PKP1: variants seen among roughly 807,000 people sequenced by gnomAD.
PKP1 encodes plakophilin-1.
PKP1 carries 27 observed loss-of-function variants against 76.4 expected under a neutral mutation model. The observed-to-expected ratio is 0.35, with a 90% confidence interval of 0.26 to 0.49. The LOEUF is 0.49. Ranked by LOEUF, PKP1 falls within the 20% of genes least tolerant of loss-of-function variation. The pLI, the probability that PKP1 is intolerant of heterozygous loss-of-function variation, is 0.99. For missense variants in PKP1, 964 were observed against 955.2 expected, an observed-to-expected ratio of 1.01 and a Z score of -0.12; for synonymous variants, 404 against 384.2, an observed-to-expected ratio of 1.05 and a Z score of -0.60.
Position 201,320,292 on chromosome 1 carries a change from C to G in PKP1, c.1258C>G (p.Arg420Gly). 6.2e-7 allele frequency: 1 copy of G among 1,613,800 alleles called. No homozygotes were observed. The highest frequency in any genetic ancestry group is 8.5e-7 in the Non-Finnish European group (1 of 1,179,728). ...GAACCTGAGCTCGGCCGATGCAGGC[C>G]GCCAGACCATGCGTAACTACTCAGG... ...LRNLSSADAG[R>G]QTMRNYSGLI... The change falls in exon 7 of 14, where the codon CGC becomes GGC. Residue 420 changes from arginine to glycine, a missense_variant. Arg to Gly is a moderately radical substitution (Grantham distance 125). Transcript: ENST00000367324.
chr1:201,324,096 G>A (rs1657030951), intron 9 of PKP1, among the ~76,000 whole-genome samples: 1 of 152,110 alleles, frequency 6.6e-6, no homozygotes, highest in Admixed American at 6.5e-5. Flanking sequence ...GATGTAATGG[G>A]GGCAGCGCTG....
At chr1:201,309,748 A>G (rs1426165762) in intron 2 of PKP1, among the ~76,000 whole-genome samples, 5 of 152,190 alleles carry the variant, frequency 3.3e-5, no homozygotes, top group Non-Finnish European at 7.3e-5. Flanking sequence ...CCTGGAAGAC[A>G]GTGTTTGGAA....
chr1:201,302,733 G>A (rs927433847), intron 2 of PKP1, among the ~76,000 whole-genome samples: 1 of 152,234 alleles, frequency 6.6e-6, no homozygotes, highest in Non-Finnish European at 1.5e-5. Context: ...GAGAAAAGCA[G>A]CTCTAGACCC....
chr1:201,301,179 C>A (rs966277477), intron 2 of PKP1, among the ~76,000 whole-genome samples: 4 of 152,102 alleles, frequency 2.6e-5, no homozygotes, highest in Non-Finnish European at 4.4e-5. Flanking sequence ...TAGTGTGGAC[C>A]CTTGTAGAGG....
chr1:201,288,130 G>T (rs995422786), intron 1 of PKP1, among the ~76,000 whole-genome samples: 2 of 152,170 alleles, frequency 1.3e-5, no homozygotes, highest in Non-Finnish European at 2.9e-5. Context: ...CATCTACCTG[G>T]TGTGCGATCT....
In PKP1 at chr1:201,318,701, A is replaced by G; in HGVS notation, c.1138A>G (p.Ile380Val). 5.0e-6 allele frequency: 8 copies of G among 1,612,368 alleles called. No homozygotes were observed. Among genetic ancestry groups the G allele is most frequent in the South Asian group, 1.1e-5 (1 of 90,978 alleles). The change falls in exon 6 of 14, where the codon ATC becomes GTC. Residue 380 changes from isoleucine (I) to valine (V), a missense_variant. Transcript: ENST00000367324. ...CCTGCCTGTTCTGGCCGACCGCGTC[A>G]TCATTCCCTTCTCTGGCTGGTGCGA... ...DALPVLADRV[I>V]IPFSGWCDGN...
At chr1:201,290,294 T>C (rs1655875352) in intron 1 of PKP1, among the ~76,000 whole-genome samples, 1 of 151,988 alleles carries the variant, frequency 6.6e-6, no homozygotes, top group Non-Finnish European at 1.5e-5. Context: ...CTCCTTGACC[T>C]TGGGGTTCTG....
chr1:201,316,557 T>G lies in PKP1; in HGVS notation c.706T>G (p.Cys236Gly), dbSNP rs1656752803. 2 of 1,606,442 alleles carry G rather than the reference T, an allele frequency of 1.2e-6. No homozygotes were observed. The highest frequency in any genetic ancestry group is 3.4e-5 in the Admixed American group (2 of 59,132). The change falls in exon 4 of 14, where the codon TGC becomes GGC. Residue 236 changes from cysteine to glycine, a missense_variant. Transcript: ENST00000367324. ...CCCACTGCCTATTCTTCACAGGATC[T>G]GCAGTGAGGACATCGAGTGCAGTGG... ...FGHSRASSKICSEDIECSGLT... is the reference protein window; with the variant it reads ...FGHSRASSKIGSEDIECSGLT...
intron 1 of PKP1, among the ~76,000 whole-genome samples, chr1:201,285,370 G>A (rs1655700129): frequency 6.6e-6 from 1 of 151,918 alleles, no homozygotes. Flanking sequence ...GGCCGGCAGA[G>A]GACTTCCTGG....
At chr1:201,318,135 A>G (rs1273155590) in intron 5 of PKP1, among the ~76,000 whole-genome samples, 4 of 152,190 alleles carry the variant, frequency 2.6e-5, no homozygotes, top group African/African-American at 9.7e-5. Context: ...GGCCTTAAGC[A>G]CCTACCCTGT....
intron 2 of PKP1, among the ~76,000 whole-genome samples, chr1:201,309,151 T>C (rs1241105051): frequency 6.6e-6 from 1 of 151,898 alleles, no homozygotes; most frequent in Non-Finnish European, 1.5e-5. Flanking sequence ...CTGGGGCTTG[T>C]ATTGCTTCAC....
chr1:201,325,908 G>A, intron 12 of PKP1, 70 bp downstream of exon 12: 3 of 1,173,984 alleles, frequency 2.6e-6, no homozygotes, highest in African/African-American at 1.5e-5. Context: ...GGCATATGCT[G>A]GGCTCTGGGC....
chr1:201,322,013 C>A lies in PKP1; in HGVS notation c.1383C>A (p.Leu461=). Residue 461 remains leucine, a synonymous_variant, in exon 8 of 14, where the codon CTC becomes CTA. Transcript: ENST00000367324. ...VENCMCVLHN[L]SYRLDAEVPT... is the part of the protein sequence containing the mutation. ...ACTGCATGTGTGTTCTGCACAACCT[C>A]TCCTACCGCCTGGACGCCGAGGTGC... 6.2e-7 allele frequency: 1 copy of A among 1,614,158 alleles called. No individual in the cohort carries two copies. Among genetic ancestry groups the A allele is most frequent in the Non-Finnish European group, 8.5e-7 (1 of 1,180,040 alleles).
At chr1:201,287,518 G>A (rs778762937) in intron 1 of PKP1, among the ~76,000 whole-genome samples, 1 of 152,204 alleles carries the variant, frequency 6.6e-6, no homozygotes, top group Non-Finnish European at 1.5e-5. Flanking sequence ...ATTGCAGATG[G>A]TAATGGCTAT....
rs1345247264 is a variant in PKP1 at position 201,330,115 on chromosome 1, TG to T, written c.*78del. 3.3e-5 allele frequency: 5 copies of T among 152,076 alleles called. No homozygotes were observed. Among genetic ancestry groups the T allele is most frequent in the Non-Finnish European group, 7.4e-5 (5 of 68,020 alleles). The allele number at this position is 152,076 out of a possible 1,614,324, so 9.4% of individuals were successfully genotyped here. A position where few individuals can be genotyped will look rare whatever the true frequency, so the allele number is the denominator to read the frequency against. ...TGAGAAGCCCTCAGGCCTCGCTGGA[TG>T]GGGTTTTCTGTCCATCCTATGCAGT... On this transcript the variant is annotated 3_prime_UTR_variant, in exon 14 of 14. Transcript: ENST00000367324.
intron 10 of PKP1, 124 bp downstream of exon 10, chr1:201,324,705 C>A: frequency 7.8e-7 from 1 of 1,290,164 alleles, no homozygotes; most frequent in Non-Finnish European, 1.1e-6. Flanking sequence ...AGGAAGCTGG[C>A]CAAAGACAGG....
At chr1:201,309,252 T>C (rs1656462445) in intron 2 of PKP1, among the ~76,000 whole-genome samples, 1 of 151,784 alleles carries the variant, frequency 6.6e-6, no homozygotes, top group African/African-American at 2.4e-5. Flanking sequence ...GCTTTCAGTG[T>C]GGGGTTAAAA....
At chr1:201,300,165 C>A (rs1656184871) in intron 2 of PKP1, among the ~76,000 whole-genome samples, 1 of 152,380 alleles carries the variant, frequency 6.6e-6, no homozygotes, top group Middle Eastern at 3.4e-3. Flanking sequence ...CAGAATGTGC[C>A]TCTGAGAGAA....
In PKP1 at chr1:201,283,631, C is replaced by T; in HGVS notation, c.-72C>T. ...CGAGAAGAGCACGCTCCTGCCCGCC[C>T]GCTGCACCGCACCTCGCCTCGCCTC... On this transcript the variant is annotated 5_prime_UTR_variant, in exon 1 of 14. Coordinates refer to ENST00000367324, the MANE Select transcript of PKP1 (RefSeq NM_001005337.3). The T allele has an allele frequency of 7.4e-7, 1 of 1,353,464 alleles. No homozygotes were observed. The highest frequency in any genetic ancestry group is 1.0e-6 in the Non-Finnish European group (1 of 963,456). 83.8% of individuals were successfully genotyped at this position (1,353,464 alleles called of 1,614,324 possible).
Sources: allele counts gnomAD v4.1 joint callset (sites outside exome capture counted in the v4.1 genomes callset), GRCh38; gene constraint gnomAD v4.1.1; transcripts MANE v1.5; gene names NCBI Gene and HGNC (gene_info 2026-07-23, HGNC 2026-07-21).